TP53BP1: variants seen among roughly 807,000 people sequenced by gnomAD.
The protein encoded by TP53BP1 is TP53-binding protein 1.
A neutral mutation model predicts 200.8 loss-of-function variants in TP53BP1; 61 were observed. That is an observed-to-expected ratio of 0.30 (90% CI 0.25 to 0.38). The LOEUF (loss-of-function observed/expected upper bound fraction) is 0.38, where lower values mean the gene tolerates loss of function less well. TP53BP1 is among the 10% of genes least tolerant of loss of function. The pLI is 1.00. For synonymous variants in TP53BP1, 822 were observed against 844.3 expected (o/e 0.97, Z 0.46); for missense variants, 2,144 against 2,371.9 (o/e 0.90, Z 2.00).
chr15:43,455,641 A>C (rs1022243397), intron 12 of TP53BP1, among the ~76,000 whole-genome samples: 1 of 152,104 alleles, frequency 6.6e-6, no homozygotes, highest in African/African-American at 2.4e-5. Context: ...AAATCACTTG[A>C]ACCCGGGAGG....
In TP53BP1 at chr15:43,403,486, G is replaced by C. The variant is rs1566904127; in HGVS notation, c.*3897C>G. 14 of 541,264 alleles carry C rather than the reference G, an allele frequency of 2.6e-5. No individual in the cohort carries two copies. The highest frequency in any genetic ancestry group is 4.9e-4 in the Middle Eastern group (1 of 2,036). The allele number at this position is 541,264 out of a possible 1,614,324, so 33.5% of individuals were successfully genotyped here. On this transcript the variant is annotated 3_prime_UTR_variant, in exon 28 of 28. Transcript: ENST00000382044. ...TAAGAGAGTAATACTCGCTTAGCCA[G>C]GAAAGGATGCATTTGTTTTACGCAT... is the stretch of plus-strand genomic sequence containing the variant.
At chr15:43,462,987 G>A (rs2046477189) in intron 11 of TP53BP1, among the ~76,000 whole-genome samples, 1 of 152,224 alleles carries the variant, frequency 6.6e-6, no homozygotes, top group South Asian at 2.1e-4. Flanking sequence ...AACTCAGGAG[G>A]AGGAGGTTGC....
At chr15:43,502,479 G>A (rs1360449762) in intron 1 of TP53BP1, among the ~76,000 whole-genome samples, 2 of 147,176 alleles carry the variant, frequency 1.4e-5, no homozygotes, top group South Asian at 4.3e-4. Flanking sequence ...ATTTTTTTTT[G>A]AGTCTCACTC....
chr15:43,463,393 C>A (rs2046485552), intron 11 of TP53BP1, among the ~76,000 whole-genome samples: 1 of 152,104 alleles, frequency 6.6e-6, no homozygotes, highest in Non-Finnish European at 1.5e-5. Context: ...CTTACAACAT[C>A]AAAATTAGGT....
intron 23 of TP53BP1, 152 bp downstream of exon 23, chr15:43,415,442 G>A (rs1260128704): frequency 1.3e-6 from 1 of 783,032 alleles, no homozygotes; most frequent in Middle Eastern, 2.2e-4. Context: ...ACAGTGAGCT[G>A]TCCCTGAATA....
chr15:43,495,545 C>T (rs1210624976), upstream of TP53BP1, among the ~76,000 whole-genome samples: 1 of 141,002 alleles, frequency 7.1e-6, no homozygotes, highest in East Asian at 2.0e-4. Context: ...AAGCCAGGTG[C>T]GGTAGCTCAC....
At chr15:43,493,889 G>T (rs2079162182), upstream of TP53BP1, among the ~76,000 whole-genome samples, 1 of 152,126 alleles carries the variant, frequency 6.6e-6, no homozygotes. Flanking sequence ...TGAGAGAATT[G>T]AGCACTGTCA....
intron 21 of TP53BP1, chr15:43,417,229 C>G (rs1445099973): frequency 6.6e-6 from 1 of 152,040 alleles, no homozygotes; most frequent in Non-Finnish European, 1.5e-5. Flanking sequence ...AAAAACAAGG[C>G]ATTACTATGA....
At position 43,456,242 on chromosome 15, in the gene TP53BP1, G is replaced by A. The variant is rs761119384; in HGVS notation, c.2366C>T (p.Ser789Phe). ...PLEGVEKCSD[S>F]QSWEDIAPEI... ...TGGAGCAATATCCTCCCATGACTGGGAATCTGAGCACTTCTCCACTCCCTC... is the reference window on the plus strand; with the variant it reads ...TGGAGCAATATCCTCCCATGACTGGAAATCTGAGCACTTCTCCACTCCCTC... Residue 789 changes from serine (S) to phenylalanine (F), a missense_variant, in exon 12 of 28, where the codon TCC becomes TTC. Physicochemically the swap from Ser to Phe is radical, Grantham distance 155 (BLOSUM62 -2). Coordinates refer to ENST00000382044, the MANE Select transcript of TP53BP1 (RefSeq NM_001141980.3). 2.5e-6 allele frequency: 4 copies of A among 1,614,038 alleles called. No individual in the cohort carries two copies. Among genetic ancestry groups the A allele is most frequent in the East Asian group, 2.2e-5 (1 of 44,888 alleles).
intron 1 of TP53BP1, among the ~76,000 whole-genome samples, chr15:43,503,826 GATTC>G (rs1384398402): frequency 6.6e-6 from 1 of 152,122 alleles, no homozygotes; most frequent in Non-Finnish European, 1.5e-5. Context: ...TGCATCTGTG[GATTC>G]AACCAACCAT....
At chr15:43,415,427 G>C (rs1229013545) in intron 23 of TP53BP1, 167 bp downstream of exon 23, 5 of 739,922 alleles carry the variant, frequency 6.8e-6, no homozygotes, top group Non-Finnish European at 1.2e-5. Context: ...TGGGGGAGGA[G>C]GGATACAGTG....
intron 3 of TP53BP1, 25 bp from the exon 4 acceptor site, chr15:43,491,778 C>CA (rs776344510): frequency 6.4e-7 from 1 of 1,567,096 alleles, no homozygotes; most frequent in South Asian, 1.1e-5. Flanking sequence ...TGGATATTAG[C>CA]ATGAAAGACA....
chr15:43,410,169 T>C (rs1051750149), intron 24 of TP53BP1, among the ~76,000 whole-genome samples: 1 of 152,338 alleles, frequency 6.6e-6, no homozygotes, highest in South Asian at 2.1e-4. Flanking sequence ...TGGAGATGAA[T>C]AGCTGATGAA....
At chr15:43,409,155 A>G in intron 25 of TP53BP1, 59 bp from the exon 26 acceptor site, 1 of 1,519,064 alleles carries the variant, frequency 6.6e-7, no homozygotes, top group Non-Finnish European at 9.1e-7. Context: ...GCTCCTAAGC[A>G]GCAGCCATAA....
At chr15:43,450,449 G>T (rs539782095) in intron 12 of TP53BP1, among the ~76,000 whole-genome samples, 6 of 152,158 alleles carry the variant, frequency 3.9e-5, no homozygotes, top group Non-Finnish European at 7.3e-5. Context: ...AATTAAGATG[G>T]CATTCTATCA....
chr15:43,481,836 GAC>G (rs202182283), intron 4 of TP53BP1, among the ~76,000 whole-genome samples: 3 of 148,006 alleles, frequency 2.0e-5, no homozygotes, highest in African/African-American at 7.5e-5. Flanking sequence ...AAAAGAGAGA[GAC>G]AGAGTCTGTC....
chr15:43,427,952 G>C (rs1316710281), intron 18 of TP53BP1, 64 bp downstream of exon 18: 3 of 1,144,326 alleles, frequency 2.6e-6, no homozygotes, highest in Non-Finnish European at 3.7e-6. Context: ...GTAAGACCCT[G>C]TCTCCAAAAA....
At chr15:43,475,378 T>A (rs780656807) in intron 9 of TP53BP1, among the ~76,000 whole-genome samples, 187 bp downstream of exon 9, 154 of 152,232 alleles carry the variant, frequency 1.0e-3, no homozygotes, top group Admixed American at 3.0e-3. Flanking sequence ...ATTATAAAAT[T>A]TTCAAATGGG....
intron 17 of TP53BP1, among the ~76,000 whole-genome samples, chr15:43,429,000 GA>G (rs1488357155): frequency 9.9e-5 from 15 of 152,180 alleles, no homozygotes; most frequent in Non-Finnish European, 1.9e-4. Context: ...ATTCAACACT[GA>G]AAAAATTCAA....
Sources: allele counts gnomAD v4.1 joint callset (sites outside exome capture counted in the v4.1 genomes callset), GRCh38; gene constraint gnomAD v4.1.1; transcripts MANE v1.5; gene names NCBI Gene and HGNC (gene_info 2026-07-23, HGNC 2026-07-21).